RSU1: variants seen among roughly 807,000 people sequenced by gnomAD.
The protein encoded by RSU1 is rsu-1.
A neutral mutation model predicts 31.1 loss-of-function variants in RSU1; 26 were observed. The ratio of observed to expected loss-of-function variants is 0.84; its 90% CI spans 0.61 to 1.16. The LOEUF (loss-of-function observed/expected upper bound fraction) is 1.16. RSU1 is among the 50% of genes most tolerant of loss of function. The probability of loss-of-function intolerance (pLI) is 0.00; values close to 1 mark genes in which losing one functional copy is unlikely to be tolerated. For synonymous variants in RSU1, 164 were observed against 136.3 expected (o/e 1.20, Z -1.41); for missense variants, 320 against 339.1 (o/e 0.94, Z 0.44).
intron 8 of RSU1, among the ~76,000 whole-genome samples, chr10:16,680,876 C>T (rs972727144): frequency 1.3e-5 from 2 of 152,146 alleles, no homozygotes; most frequent in Non-Finnish European, 2.9e-5. Context: ...AAGTTTAGCA[C>T]CTTGTTCCCA....
intron 8 of RSU1, among the ~76,000 whole-genome samples, chr10:16,654,137 G>A (rs1333984895): frequency 6.6e-6 from 1 of 151,610 alleles, no homozygotes; most frequent in Non-Finnish European, 1.5e-5. Context: ...TGAGTAGCTG[G>A]GATTACACGC....
intron 8 of RSU1, among the ~76,000 whole-genome samples, chr10:16,678,724 TAA>T (rs1479424906): frequency 6.6e-6 from 1 of 152,156 alleles, no homozygotes; most frequent in African/African-American, 2.4e-5. Context: ...TACCACAGGA[TAA>T]AGAGTGAAGA....
intron 7 of RSU1, among the ~76,000 whole-genome samples, chr10:16,730,744 G>C (rs1836491648): frequency 6.6e-6 from 1 of 152,138 alleles, no homozygotes; most frequent in African/African-American, 2.4e-5. Context: ...AACATACAGA[G>C]ACATTAACCA....
At chr10:16,783,458 C>A (rs192564716) in intron 2 of RSU1, among the ~76,000 whole-genome samples, 20 of 149,934 alleles carry the variant, frequency 1.3e-4, no homozygotes, top group Admixed American at 2.6e-4. Flanking sequence ...CAAGTTCAAG[C>A]GATTCTCCTG....
In RSU1 at chr10:16,623,035, T is replaced by A. The variant is rs543670820; in HGVS notation, c.732-29539A>T. Among the ~76,000 whole-genome samples the A allele has an allele frequency of 1.9e-3, 286 of 152,350 alleles. 1 individual carries two copies. Among genetic ancestry groups the A allele is most frequent in the African/African-American group, 6.7e-3 (278 of 41,590 alleles). Reference sequence around the variant, plus strand: ...AAAAAGTACATTCTAATCTTTTTTTTTTCCCCCAACTTTCATTTTAGATTC... The same window carrying A: ...AAAAAGTACATTCTAATCTTTTTTTATTCCCCCAACTTTCATTTTAGATTC... On this transcript the variant is annotated intron_variant, in intron 8 of 8. Coordinates refer to ENST00000345264, the MANE Select transcript of RSU1 (RefSeq NM_012425.4).
At chr10:16,602,615 T>C (rs2131459225) in intron 8 of RSU1, among the ~76,000 whole-genome samples, 1 of 152,342 alleles carries the variant, frequency 6.6e-6, no homozygotes, top group South Asian at 2.1e-4. Context: ...TATGTAAATA[T>C]TGTCTTTCAG....
intron 7 of RSU1, among the ~76,000 whole-genome samples, chr10:16,722,441 C>G (rs1399756451): frequency 6.6e-6 from 1 of 152,112 alleles, no homozygotes; most frequent in African/African-American, 2.4e-5. Flanking sequence ...TGTCATCGAC[C>G]TAAGCACAGA....
At chr10:16,718,667 T>C (rs752296934) in intron 7 of RSU1, among the ~76,000 whole-genome samples, 1 of 152,064 alleles carries the variant, frequency 6.6e-6, no homozygotes, top group Non-Finnish European at 1.5e-5. Context: ...TATTTAAAAA[T>C]TGTAAAATAA....
chr10:16,746,071 T>C (rs1490478142), intron 7 of RSU1, among the ~76,000 whole-genome samples: 3 of 152,196 alleles, frequency 2.0e-5, no homozygotes, highest in African/African-American at 7.2e-5. Context: ...TGACTGTACA[T>C]CCACTCATTG....
chr10:16,722,072 A>T (rs971179665), intron 7 of RSU1, among the ~76,000 whole-genome samples: 2 of 152,206 alleles, frequency 1.3e-5, no homozygotes, highest in Admixed American at 6.5e-5. Context: ...AGTTGAGTCC[A>T]GTATGAAGAG....
chr10:16,695,043 G>T lies in RSU1; in HGVS notation c.711C>A (p.Ile237=). The T allele has an allele frequency of 6.2e-7, 1 of 1,613,016 alleles. No individual in the cohort carries two copies. The highest frequency in any genetic ancestry group is 8.5e-7 in the Non-Finnish European group (1 of 1,179,528). ...CTTACTATTTGTATGTCTCAGAACGGATATACTCAAAAACATGGGACACGC... is the reference window on the plus strand; with the variant it reads ...CTTACTATTTGTATGTCTCAGAACGTATATACTCAAAAACATGGGACACGC... The part of the protein sequence containing the change: ...QLGVSHVFEY[I]RSETYKYLYG... Residue 237 remains isoleucine, a synonymous_variant, in exon 8 of 9, where the codon ATC becomes ATA. Transcript: ENST00000345264.
chr10:16,719,800 T>C (rs1339316884), intron 7 of RSU1, among the ~76,000 whole-genome samples: 1 of 152,204 alleles, frequency 6.6e-6, no homozygotes, highest in Admixed American at 6.5e-5. Flanking sequence ...CACCGTTTCC[T>C]TACCAGCTTC....
At chr10:16,795,369 A>T (rs1000738584) in intron 2 of RSU1, among the ~76,000 whole-genome samples, 13 of 151,642 alleles carry the variant, frequency 8.6e-5, no homozygotes, top group Admixed American at 3.9e-4. Context: ...AAAAAAAAAA[A>T]AAAAATTAAA....
chr10:16,684,182 G>A (rs1018264336), intron 8 of RSU1, among the ~76,000 whole-genome samples: 2 of 152,190 alleles, frequency 1.3e-5, no homozygotes, highest in African/African-American at 4.8e-5. Context: ...CACCCACAAA[G>A]GATGGCTGTG....
intron 4 of RSU1, among the ~76,000 whole-genome samples, chr10:16,761,904 T>G (rs1208487850): frequency 6.6e-6 from 1 of 152,072 alleles, no homozygotes; most frequent in Non-Finnish European, 1.5e-5. Flanking sequence ...CTGAGATGCC[T>G]TCCTTCAACT....
intron 2 of RSU1, among the ~76,000 whole-genome samples, chr10:16,802,047 C>G (rs1838167429): frequency 6.6e-6 from 1 of 151,682 alleles, no homozygotes; most frequent in African/African-American, 2.4e-5. Context: ...ATGAATTGAA[C>G]TACAAGTAAA....
chr10:16,677,456 T>A (rs1190993669), intron 8 of RSU1, among the ~76,000 whole-genome samples: 1 of 152,168 alleles, frequency 6.6e-6, no homozygotes, highest in Non-Finnish European at 1.5e-5. Context: ...GGGTAGGAAG[T>A]TGGGAGTAGC....
At chr10:16,721,845 C>T (rs1306324653) in intron 7 of RSU1, 1 of 152,036 alleles carries the variant, frequency 6.6e-6, no homozygotes, top group Non-Finnish European at 1.5e-5. Flanking sequence ...TCTCAGTTGC[C>T]TCATCTAAAA....
At chr10:16,741,056 A>G (rs957867605) in intron 7 of RSU1, among the ~76,000 whole-genome samples, 2 of 152,246 alleles carry the variant, frequency 1.3e-5, no homozygotes, top group South Asian at 4.1e-4. Context: ...CCCAATTTAA[A>G]AACTTACTAC....
Sources: gnomAD v4.1 joint callset for allele counts (sites outside exome capture counted in the v4.1 genomes callset) on GRCh38, gnomAD v4.1.1 for gene constraint, MANE v1.5 for transcripts, NCBI Gene and HGNC (gene_info 2026-07-23, HGNC 2026-07-21) for gene names.